Variants in GPR173 observed in about 807,000 individuals in gnomAD.
GPR173 encodes G protein-coupled receptor 173, also known as probable G protein-coupled receptor 173.
In GPR173, 2 loss-of-function variants were observed where a neutral mutation model predicts 13.9. The observed-to-expected ratio is 0.14, with a 90% CI of 0.06 to 0.45. GPR173 has a LOEUF of 0.45. Among genes scored for constraint, GPR173 ranks in the 20% least tolerant of loss-of-function variants. The pLI is 0.98. For synonymous variants in GPR173, 131 were observed against 141.0 expected, an observed-to-expected ratio of 0.93 and a Z score of 0.50; for missense variants, 202 against 340.5, an observed-to-expected ratio of 0.59 and a Z score of 3.20.
intron 1 of GPR173, among the ~76,000 whole-genome samples, chrX:53,054,063 G>A (rs781822224): frequency 2.7e-5 from 3 of 111,552 alleles, no homozygotes; most frequent in African/African-American, 9.9e-5. Context: ...TTCACTGAGA[G>A]GACCCAAATT....
intron 1 of GPR173, among the ~76,000 whole-genome samples, chrX:53,062,693 C>T (rs1932145636): frequency 9.6e-6 from 1 of 104,367 alleles, no homozygotes; most frequent in South Asian, 4.4e-4. Context: ...TGGGCTCAAG[C>T]GATCCTCTCA....
chrX:53,058,904 CTTT>C (rs201549482), intron 1 of GPR173, among the ~76,000 whole-genome samples: 1 of 101,479 alleles, frequency 9.9e-6, no homozygotes, highest in Non-Finnish European at 2.0e-5. Context: ...ACCTGTATTC[CTTT>C]TTTTTTTTTC....
chrX:53,069,179 C>CA (rs1162480408), intron 1 of GPR173, among the ~76,000 whole-genome samples: 2 of 106,781 alleles, frequency 1.9e-5, no homozygotes, highest in Non-Finnish European at 3.9e-5. Context: ...GGGCTGGTCT[C>CA]CAACTCCTGG....
chrX:53,075,415 T>C (rs1332085205), intron 1 of GPR173, among the ~76,000 whole-genome samples: 5 of 103,255 alleles, frequency 4.8e-5, no homozygotes, highest in Admixed American at 2.3e-4. Flanking sequence ...TCTGACATAC[T>C]ATACTTCACC....
chrX:53,064,751 T>A (rs1181400312), intron 1 of GPR173, among the ~76,000 whole-genome samples: 1 of 111,114 alleles, frequency 9.0e-6, no homozygotes, highest in Non-Finnish European at 1.9e-5. Context: ...GTAGAACTCA[T>A]CCTTTTATCA....
chrX:53,074,111 CATTTATATAAATATAT>C (rs1932347922), intron 1 of GPR173, among the ~76,000 whole-genome samples: 1 of 21 alleles, frequency 0.048, no homozygotes, highest in Non-Finnish European at 0.1. Flanking sequence ...TATAAATATA[CATTTATATAAATATAT>C]ATAAATATAC....
chrX:53,076,708 G>A lies in GPR173; in HGVS notation c.87G>A (p.Leu29=), dbSNP rs17850567. ...SASAYVKLVL[L]GLIMCVSLAG... The stretch of plus-strand genomic sequence containing the variant: ...CAGCTTATGTGAAGCTGGTACTGCT[G>A]GGACTGATTATGTGCGTGAGCCTGG... The change falls in exon 2 of 2, where the codon CTG becomes CTA. Residue 29 remains leucine, a synonymous_variant. Transcript: ENST00000332582. 201,342 of 1,208,098 alleles carry A rather than the reference G, an allele frequency of 0.17. 11,838 individuals carry two copies. Among genetic ancestry groups the A allele is most frequent in the South Asian group, 0.21 (12,005 of 56,816 alleles).
chrX:53,075,379 T>C lies in GPR173; in HGVS notation c.-97-1146T>C, dbSNP rs782276801. On this transcript the variant is annotated intron_variant, in intron 1 of 1. Transcript: ENST00000332582. ...CTTCCTATCTTCCTTCCCTCCTTTA[T>C]GTTTATTCTTAGGAACTTGTCATCA... Among the ~76,000 whole-genome samples the C allele has an allele frequency of 2.9e-5, 3 of 104,441 alleles. No individual in the cohort carries two copies. In the East Asian group the frequency reaches 8.9e-4, roughly 31 times the overall value. The allele number at this position is 104,441 out of a possible 115,157, so 90.7% of individuals were successfully genotyped here.
Position 53,074,006 on chromosome X carries a change from T to TA in GPR173, c.-97-2519_-97-2518insA, listed in dbSNP as rs1414920874. 1.4e-3 allele frequency among the ~76,000 whole-genome samples: 28 copies of TA among 20,707 alleles called. 3 individuals are homozygous for TA. The highest frequency in any genetic ancestry group is 7.2e-3 in the African/African-American group (13 of 1,798). The allele number at this position is 20,707 out of a possible 115,157, so 18.0% of individuals were successfully genotyped here. A position where few individuals can be genotyped will look rare whatever the true frequency, so the allele number is the denominator to read the frequency against. ...ATATATAAATATACATAAATATATA[T>TA]TATACATAAATATATATTTATATAT... On this transcript the variant is annotated intron_variant, in intron 1 of 1. Coordinates refer to ENST00000332582, the MANE Select transcript of GPR173 (RefSeq NM_018969.6).
intron 1 of GPR173, among the ~76,000 whole-genome samples, chrX:53,074,345 T>C (rs1333433996): frequency 1.0e-4 from 7 of 69,718 alleles, no homozygotes; most frequent in African/African-American, 2.6e-4. Flanking sequence ...TATTTATATA[T>C]ATTTATATAT....
intron 1 of GPR173, among the ~76,000 whole-genome samples, chrX:53,074,348 T>G: frequency 6.3e-5 from 1 of 15,959 alleles, no homozygotes; most frequent in Non-Finnish European, 1.0e-4. Context: ...TTATATATAT[T>G]TATATATATT....
intron 1 of GPR173, among the ~76,000 whole-genome samples, chrX:53,059,682 C>T (rs1932093638): frequency 9.3e-6 from 1 of 107,727 alleles, no homozygotes; most frequent in Non-Finnish European, 1.9e-5. Context: ...GTCCCAGCTA[C>T]TCAGGAGGCT....
intron 1 of GPR173, among the ~76,000 whole-genome samples, chrX:53,056,131 G>T (rs782006442): frequency 9.1e-6 from 1 of 109,619 alleles, no homozygotes; most frequent in Admixed American, 9.9e-5. Context: ...TGGGGTACAA[G>T]TTTGAATGTA....
At chrX:53,050,275 G>T (rs1405927030) in intron 1 of GPR173, among the ~76,000 whole-genome samples, 1 of 111,496 alleles carries the variant, frequency 9.0e-6, no homozygotes, top group East Asian at 2.8e-4. Flanking sequence ...ATGACAACCT[G>T]CAGGGGCCAG....
At chrX:53,067,113 T>C (rs1556804282) in intron 1 of GPR173, among the ~76,000 whole-genome samples, 1 of 112,180 alleles carries the variant, frequency 8.9e-6, no homozygotes, top group Non-Finnish European at 1.9e-5. Flanking sequence ...CTATGCAATG[T>C]CAACACCCAT....
rs1416209718 is a variant in GPR173, at chrX:53,068,829, T to C, written c.-97-7696T>C. ...AAGGCTAGGCGTGATGGCTCAGGCT[T>C]GTAATCCCAGCATCTTCGGGGCCTG... On this transcript the variant is annotated intron_variant, in intron 1 of 1. Coordinates refer to ENST00000332582, the MANE Select transcript of GPR173 (RefSeq NM_018969.6). 2.9e-5 allele frequency among the ~76,000 whole-genome samples: 3 copies of C among 104,365 alleles called. No homozygotes were observed. In the Admixed American group the frequency reaches 3.0e-4, roughly 11 times the overall value. The allele number at this position is 104,365 out of a possible 115,157, so 90.6% of individuals were successfully genotyped here. A position where few individuals can be genotyped will look rare whatever the true frequency, so the allele number is the denominator to read the frequency against.
intron 1 of GPR173, among the ~76,000 whole-genome samples, chrX:53,069,904 G>A (rs782742645): frequency 1.8e-5 from 2 of 110,878 alleles, no homozygotes; most frequent in South Asian, 7.6e-4. Context: ...TTGTGTTAGA[G>A]CATGTGTGTG....
At chrX:53,064,175 A>G (rs782402051) in intron 1 of GPR173, among the ~76,000 whole-genome samples, 2 of 111,134 alleles carry the variant, frequency 1.8e-5, no homozygotes, top group East Asian at 5.7e-4. Context: ...CCACTTCCAC[A>G]TTTTCAGGCA....
chrX:53,059,106 G>A (rs1053504629), intron 1 of GPR173, among the ~76,000 whole-genome samples: 4 of 106,614 alleles, frequency 3.8e-5, no homozygotes, highest in East Asian at 3.0e-4. Flanking sequence ...CAAATTAGCC[G>A]GGCGTGGTGG....
Sources: allele counts gnomAD v4.1 joint callset (sites outside exome capture counted in the v4.1 genomes callset), GRCh38; gene constraint gnomAD v4.1.1; transcripts MANE v1.5; gene names NCBI Gene and HGNC (gene_info 2026-07-23, HGNC 2026-07-21).